The following STXBP6 variants were observed in gnomAD, a reference collection of about 807,000 sequenced individuals.
The protein encoded by STXBP6 is syntaxin-binding protein 6.
STXBP6 carries 21 observed loss-of-function variants against 26.9 expected under a neutral mutation model. The observed-to-expected ratio is 0.78, with a 90% CI of 0.55 to 1.12. STXBP6 has a LOEUF of 1.12. Among genes scored for constraint, STXBP6 ranks in the 50% most tolerant of loss-of-function variants. The probability of loss-of-function intolerance (pLI) is 0.00; values close to 1 mark genes in which losing one functional copy is unlikely to be tolerated. For missense variants in STXBP6, 232 were observed against 257.9 expected, an observed-to-expected ratio of 0.90 and a Z score of 0.69; for synonymous variants, 97 against 92.6, an observed-to-expected ratio of 1.05 and a Z score of -0.27.
At chr14:24,966,074 G>A (rs986718248) in intron 2 of STXBP6, among the ~76,000 whole-genome samples, 10 of 152,198 alleles carry the variant, frequency 6.6e-5, no homozygotes, top group Admixed American at 5.9e-4. Flanking sequence ...TGAGTGAGCT[G>A]TAAAACTCCT....
intron 1 of STXBP6, among the ~76,000 whole-genome samples, chr14:25,024,446 G>T (rs1468784008): frequency 6.6e-6 from 1 of 152,136 alleles, no homozygotes; most frequent in Non-Finnish European, 1.5e-5. Context: ...AAAGTTAAAG[G>T]TAGTAAGTTC....
At chr14:25,019,728 T>C (rs755773573) in intron 1 of STXBP6, among the ~76,000 whole-genome samples, 25 of 152,222 alleles carry the variant, frequency 1.6e-4, no homozygotes, top group Admixed American at 3.3e-4. Flanking sequence ...TAGAGCTGTA[T>C]CTGAAAACTG....
intron 2 of STXBP6, among the ~76,000 whole-genome samples, chr14:24,878,212 T>C (rs917995732): frequency 6.6e-6 from 1 of 152,146 alleles, no homozygotes; most frequent in African/African-American, 2.4e-5. Context: ...AGTTTTGTTT[T>C]GTTATGCTTT....
At chr14:24,876,891 G>C (rs1566435609) in intron 2 of STXBP6, among the ~76,000 whole-genome samples, 1 of 152,206 alleles carries the variant, frequency 6.6e-6, no homozygotes, top group Non-Finnish European at 1.5e-5. Context: ...ACACAGTTAA[G>C]TAGTGTTTTG....
chr14:24,855,002 G>A (rs542747504), intron 4 of STXBP6, among the ~76,000 whole-genome samples: 1 of 152,164 alleles, frequency 6.6e-6, no homozygotes, highest in African/African-American at 2.4e-5. Context: ...TAAAAGGAAT[G>A]CCAATACCTC....
chr14:24,978,041 A>C (rs1449948287), intron 1 of STXBP6, among the ~76,000 whole-genome samples: 2 of 152,242 alleles, frequency 1.3e-5, no homozygotes, highest in Admixed American at 1.3e-4. Flanking sequence ...ACATGTATAC[A>C]TGTTTTTAAT....
At chr14:24,940,103 T>C (rs2072749738) in intron 2 of STXBP6, among the ~76,000 whole-genome samples, 1 of 152,198 alleles carries the variant, frequency 6.6e-6, no homozygotes, top group Non-Finnish European at 1.5e-5. Context: ...GAGAGAGCAA[T>C]GTAAACCCTA....
rs141290937 is a variant in STXBP6 at position 24,974,744 on chromosome 14, G to T, written c.75C>A (p.Val25=). The T allele has an allele frequency of 1.2e-6, 2 of 1,600,144 alleles. No homozygotes were observed. Among genetic ancestry groups the T allele is most frequent in the African/African-American group, 2.7e-5 (2 of 74,798 alleles). Residue 25 remains valine (V), a synonymous_variant, in exon 2 of 6, where the codon GTC becomes GTA. Transcript: ENST00000323944. Reference sequence around the variant, plus strand: ...GAATCTTTTTCTTTGTCCTCCTCTTGACTTGGACAGCTCCCAGCATCCTTT... The same window carrying T: ...GAATCTTTTTCTTTGTCCTCCTCTTTACTTGGACAGCTCCCAGCATCCTTT... ...LDERMLGAVQ[V]KRRTKKKIPF... is the part of the protein sequence containing the mutation.
At chr14:24,894,903 TTA>T (rs1471391983) in intron 2 of STXBP6, among the ~76,000 whole-genome samples, 2 of 119,086 alleles carry the variant, frequency 1.7e-5, no homozygotes, top group Non-Finnish European at 3.7e-5. Flanking sequence ...TTTTTTTTTT[TTA>T]ATGCTCAGGA....
chr14:25,010,635 A>G (rs1417134123), intron 1 of STXBP6: 2 of 152,256 alleles, frequency 1.3e-5, no homozygotes, highest in African/African-American at 2.4e-5. Flanking sequence ...CTTTCTAAAC[A>G]GGAAACTAAA....
chr14:24,812,932 T>G (rs2067864200), intron 5 of STXBP6, among the ~76,000 whole-genome samples, 200 bp from the exon 6 acceptor site: 1 of 152,162 alleles, frequency 6.6e-6, no homozygotes, highest in South Asian at 2.1e-4. Flanking sequence ...GACATTTCAT[T>G]TGTTACTTTT....
At chr14:24,857,222 G>A (rs2069369487) in intron 2 of STXBP6, 65 bp from the exon 3 acceptor site, 1 of 1,603,230 alleles carries the variant, frequency 6.2e-7, no homozygotes, top group East Asian at 2.2e-5. Flanking sequence ...CACATTCAGT[G>A]CTGTTTCTAC....
rs927574870 is a variant in STXBP6, at chr14:25,049,954, C to A, written c.-109G>T. The A allele has an allele frequency of 4.2e-5, 37 of 879,802 alleles. No homozygotes were observed. Among genetic ancestry groups the A allele is most frequent in the Non-Finnish European group, 4.9e-5 (36 of 735,560 alleles). 54.5% of individuals were successfully genotyped at this position (879,802 alleles called of 1,614,324 possible). On this transcript the variant is annotated 5_prime_UTR_variant, in exon 1 of 6. Coordinates refer to ENST00000323944, the MANE Select transcript of STXBP6 (RefSeq NM_001394410.1). This position sits in a 1 kb window ranked among gnomAD's most constrained non-coding sequence, Gnocchi z 5.6. ...GAGCACGAGGCTCCTCCCCGGGGGG[C>A]TGCCCCGCGCGGGGCTCCGGGCTCC...
intron 2 of STXBP6, among the ~76,000 whole-genome samples, chr14:24,942,654 C>T (rs1026988911): frequency 6.6e-6 from 1 of 152,236 alleles, no homozygotes; most frequent in Admixed American, 6.5e-5. Context: ...TTATTGAACA[C>T]AACTGCCTTT....
intron 2 of STXBP6, among the ~76,000 whole-genome samples, chr14:24,891,505 C>A (rs2070785946): frequency 6.6e-6 from 1 of 152,154 alleles, no homozygotes; most frequent in Non-Finnish European, 1.5e-5. Flanking sequence ...TGTTCCCCAT[C>A]CTGTAAAGAA....
At chr14:25,029,268 CTTATT>C (rs2075406170) in intron 1 of STXBP6, among the ~76,000 whole-genome samples, 1 of 152,096 alleles carries the variant, frequency 6.6e-6, no homozygotes, top group Non-Finnish European at 1.5e-5. Context: ...TCACTGCTAT[CTTATT>C]TTAAGAAATT....
intron 2 of STXBP6, among the ~76,000 whole-genome samples, chr14:24,918,597 A>G (rs1324185795): frequency 1.3e-5 from 2 of 151,918 alleles, no homozygotes; most frequent in Non-Finnish European, 2.9e-5. Context: ...TAGAATTGGC[A>G]GTCTGACAAA....
At chr14:24,866,695 T>TA (rs1594995739) in intron 2 of STXBP6, among the ~76,000 whole-genome samples, 1 of 151,856 alleles carries the variant, frequency 6.6e-6, no homozygotes, top group Non-Finnish European at 1.5e-5. Flanking sequence ...TTGGAGGACT[T>TA]AATGTTGTTA....
chr14:25,025,056 G>T (rs1200031831), intron 1 of STXBP6, among the ~76,000 whole-genome samples: 1 of 152,108 alleles, frequency 6.6e-6, no homozygotes, highest in Admixed American at 6.5e-5. Context: ...TGTGCAGAAG[G>T]CCTTTTGATT....
Sources: gnomAD v4.1 joint callset for allele counts (sites outside exome capture counted in the v4.1 genomes callset) on GRCh38, gnomAD v4.1.1 for gene constraint, Gnocchi (gnomAD v3.1) non-coding constraint, MANE v1.5 for transcripts, NCBI Gene and HGNC (gene_info 2026-07-23, HGNC 2026-07-21) for gene names.